The following RNF180 variants were observed in gnomAD, a reference collection of about 807,000 sequenced individuals.
RNF180 encodes ring finger protein 180, also known as E3 ubiquitin-protein ligase RNF180.
A neutral mutation model predicts 59.2 loss-of-function variants in RNF180; 38 were observed. That is an observed-to-expected ratio of 0.64 (90% CI 0.50 to 0.84). The LOEUF (loss-of-function observed/expected upper bound fraction) is 0.84, where lower values mean the gene tolerates loss of function less well. Ranked by LOEUF, RNF180 falls within the 40% of genes least tolerant of loss-of-function variation. RNF180 has a pLI of 0.00. For missense variants in RNF180, 705 were observed against 700.9 expected (o/e 1.01, Z -0.07); for synonymous variants, 262 against 240.3 (o/e 1.09, Z -0.84).
At chr5:64,247,025 T>C (rs1743222980) in intron 5 of RNF180, among the ~76,000 whole-genome samples, 1 of 152,144 alleles carries the variant, frequency 6.6e-6, no homozygotes, top group Admixed American at 6.5e-5. Context: ...ATTATCTCAA[T>C]AGATGCAGAA....
intron 5 of RNF180, among the ~76,000 whole-genome samples, chr5:64,235,274 C>A (rs1326563288): frequency 2.0e-5 from 3 of 152,120 alleles, no homozygotes; most frequent in Non-Finnish European, 4.4e-5. Flanking sequence ...CTGGGCAAGA[C>A]CCTGTCTCAA....
At chr5:64,345,432 C>G (rs1230958068) in intron 7 of RNF180, among the ~76,000 whole-genome samples, 1 of 152,178 alleles carries the variant, frequency 6.6e-6, no homozygotes, top group Non-Finnish European at 1.5e-5. Flanking sequence ...TTCTTGGTCT[C>G]TGGCATAACT....
intron 5 of RNF180, among the ~76,000 whole-genome samples, chr5:64,317,381 TACTG>T (rs1744097748): frequency 6.6e-6 from 1 of 152,152 alleles, no homozygotes. Flanking sequence ...GCTAAAAAAA[TACTG>T]ATAGATATTA....
chr5:64,368,046 G>A (rs1221730042), intron 7 of RNF180, among the ~76,000 whole-genome samples: 9 of 151,656 alleles, frequency 5.9e-5, no homozygotes, highest in Non-Finnish European at 1.5e-5. Context: ...AAAGAAAATT[G>A]TATTTCATGA....
intron 5 of RNF180, among the ~76,000 whole-genome samples, chr5:64,260,299 G>A (rs1744255899): frequency 6.6e-6 from 1 of 151,984 alleles, no homozygotes; most frequent in African/African-American, 2.4e-5. Flanking sequence ...TTATTTTACG[G>A]TTATGCAGTA....
intron 2 of RNF180, among the ~76,000 whole-genome samples, chr5:64,210,618 T>C (rs1478529524): frequency 6.6e-6 from 1 of 152,132 alleles, no homozygotes; most frequent in Non-Finnish European, 1.5e-5. Flanking sequence ...CTTGCTAAAA[T>C]TGAAGATTTA....
At chr5:64,324,621 G>A (rs1744539706) in intron 5 of RNF180, among the ~76,000 whole-genome samples, 1 of 152,174 alleles carries the variant, frequency 6.6e-6, no homozygotes, top group African/African-American at 2.4e-5. Context: ...CCCATAGCAA[G>A]GCTAATCCCA....
At chr5:64,167,281 A>G (rs1349448684) in intron 1 of RNF180, among the ~76,000 whole-genome samples, 1 of 152,184 alleles carries the variant, frequency 6.6e-6, no homozygotes, top group Non-Finnish European at 1.5e-5. Context: ...TAATTATTGT[A>G]ATGAAAAATT....
Position 64,330,358 on chromosome 5 carries a change from G to T in RNF180, c.1531G>T (p.Ala511Ser). ...ACAAAGCTTTCAGAAATCCAACTCT[G>T]CAAAATGGCCCCTACCAAGCTGCAG... ...IKQSFQKSNSAKWPLPSCRKA... is the reference protein window; with the variant it reads ...IKQSFQKSNSSKWPLPSCRKA... Residue 511 changes from alanine to serine, a missense_variant, in exon 7 of 8, where the codon GCA (alanine) becomes TCA (serine). Physicochemically the swap from Ala to Ser is moderately conservative, Grantham distance 99 (BLOSUM62 1). Coordinates refer to ENST00000389100, the MANE Select transcript of RNF180 (RefSeq NM_001113561.2). The T allele has an allele frequency of 6.5e-7, 1 of 1,545,822 alleles. No homozygotes were observed. The highest frequency in any genetic ancestry group is 8.7e-7 in the Non-Finnish European group (1 of 1,145,252).
At position 64,281,349 on chromosome 5, in the gene RNF180, T is replaced by C. The variant is rs77887720; in HGVS notation, c.1228-43837T>C. 2.6e-5 allele frequency among the ~76,000 whole-genome samples: 4 copies of C among 152,340 alleles called. No individual in the cohort carries two copies. The East Asian group carries it at 7.7e-4, about 29-fold the overall frequency. ...CTTCCAGTACTATGTTGACTAGGCATGATGAGAATGGGAATCCTTGTCTTA... is the reference window on the plus strand; with the variant it reads ...CTTCCAGTACTATGTTGACTAGGCACGATGAGAATGGGAATCCTTGTCTTA... On this transcript the variant is annotated intron_variant, in intron 5 of 7. Coordinates refer to ENST00000389100, the MANE Select transcript of RNF180 (RefSeq NM_001113561.2).
chr5:64,278,363 T>C (rs571766364), intron 5 of RNF180, among the ~76,000 whole-genome samples: 2 of 152,234 alleles, frequency 1.3e-5, no homozygotes, highest in East Asian at 1.9e-4. Flanking sequence ...TTTAATAGTC[T>C]CAAGAGACAC....
chr5:64,196,303 T>G (rs1187909871), intron 1 of RNF180, among the ~76,000 whole-genome samples: 1 of 152,158 alleles, frequency 6.6e-6, no homozygotes, highest in Admixed American at 6.5e-5. Context: ...CATCATTATG[T>G]TCTCCCTGAT....
chr5:64,328,354 C>T (rs1232578380), intron 6 of RNF180, among the ~76,000 whole-genome samples: 1 of 152,164 alleles, frequency 6.6e-6, no homozygotes, highest in African/African-American at 2.4e-5. Flanking sequence ...CACTGACAAG[C>T]CCCTTCAACC....
intron 5 of RNF180, among the ~76,000 whole-genome samples, chr5:64,290,934 A>G (rs1480167848): frequency 6.6e-6 from 1 of 152,008 alleles, no homozygotes; most frequent in Non-Finnish European, 1.5e-5. Context: ...TAGTGTCACT[A>G]GTTGTGTACT....
chr5:64,348,489 T>C (rs1020423907), intron 7 of RNF180, among the ~76,000 whole-genome samples: 4 of 152,106 alleles, frequency 2.6e-5, no homozygotes, highest in Non-Finnish European at 4.4e-5. Flanking sequence ...GGTGGCCATA[T>C]AGGAGATTTT....
At chr5:64,262,940 T>C (rs975089501) in intron 5 of RNF180, among the ~76,000 whole-genome samples, 9 of 152,136 alleles carry the variant, frequency 5.9e-5, no homozygotes, top group Admixed American at 5.2e-4. Flanking sequence ...TAGAAGATGC[T>C]GGTTCAAATA....
At chr5:64,187,094 A>G (rs989708389) in intron 1 of RNF180, among the ~76,000 whole-genome samples, 2 of 152,212 alleles carry the variant, frequency 1.3e-5, no homozygotes, top group Non-Finnish European at 2.9e-5. Context: ...TATAATTCTT[A>G]AAGATGTCAC....
chr5:64,364,778 C>A (rs1746384232), intron 7 of RNF180, among the ~76,000 whole-genome samples: 1 of 151,566 alleles, frequency 6.6e-6, no homozygotes, highest in Admixed American at 6.6e-5. Context: ...GATTCAATTT[C>A]TTTCTGGTTC....
chr5:64,208,329 A>AT (rs903729190), intron 2 of RNF180, among the ~76,000 whole-genome samples: 3 of 151,820 alleles, frequency 2.0e-5, no homozygotes, highest in Admixed American at 6.6e-5. Context: ...CTGTTTAGTA[A>AT]TTTTTTTACA....
Sources: gnomAD v4.1 joint callset for allele counts (sites outside exome capture counted in the v4.1 genomes callset) on GRCh38, gnomAD v4.1.1 for gene constraint, MANE v1.5 for transcripts, NCBI Gene and HGNC (gene_info 2026-07-23, HGNC 2026-07-21) for gene names.